Variants in ESRRG observed in about 807,000 individuals in gnomAD.
ESRRG encodes the protein estrogen-related receptor gamma.
A neutral mutation model predicts 44.0 loss-of-function variants in ESRRG; 13 were observed. That is an observed-to-expected ratio of 0.30 (90% CI 0.19 to 0.47). The LOEUF (loss-of-function observed/expected upper bound fraction) is 0.47. ESRRG is among the 20% of genes least tolerant of loss of function. The probability of loss-of-function intolerance (pLI) is 1.00; values close to 1 mark genes in which losing one functional copy is unlikely to be tolerated. For synonymous variants in ESRRG, 215 were observed against 214.6 expected (o/e 1.00, Z -0.02); for missense variants, 395 against 580.6 (o/e 0.68, Z 3.29).
At chr1:217,087,010 C>A (rs956771784) in intron 1 of ESRRG, among the ~76,000 whole-genome samples, 1 of 152,096 alleles carries the variant, frequency 6.6e-6, no homozygotes, top group Non-Finnish European at 1.5e-5. Context: ...CAATGACACA[C>A]TCATCCAAGG....
At chr1:217,105,175 G>A (rs191555204) in intron 1 of ESRRG, among the ~76,000 whole-genome samples, 1 of 152,084 alleles carries the variant, frequency 6.6e-6, no homozygotes, top group African/African-American at 2.4e-5. Flanking sequence ...CCCTTCCTTT[G>A]GCCTTGTGGT....
intron 1 of ESRRG, among the ~76,000 whole-genome samples, chr1:217,062,973 G>C (rs10495039): frequency 1.9e-4 from 29 of 152,094 alleles, no homozygotes; most frequent in Non-Finnish European, 3.7e-4. Flanking sequence ...AGGAACTCTA[G>C]TATGTACCTA....
intron 2 of ESRRG, among the ~76,000 whole-genome samples, chr1:216,851,360 C>T (rs1371149385): frequency 6.6e-6 from 1 of 152,038 alleles, no homozygotes. Context: ...GAGAGAACTA[C>T]TTGTTATGGA....
chr1:217,065,862 G>A (rs2089560954), intron 1 of ESRRG, among the ~76,000 whole-genome samples: 1 of 152,144 alleles, frequency 6.6e-6, no homozygotes, highest in South Asian at 2.1e-4. Flanking sequence ...TAGAATAAAA[G>A]CTTGAGCGAC....
At chr1:216,737,639 A>G (rs2152195774) in intron 2 of ESRRG, among the ~76,000 whole-genome samples, 1 of 152,300 alleles carries the variant, frequency 6.6e-6, no homozygotes, top group East Asian at 1.9e-4. Context: ...AAGGAAGTGT[A>G]TGTAAAAGCA....
In ESRRG at chr1:216,513,705, A is replaced by T. The variant is rs527261884; in HGVS notation, c.1132+5447T>A. 3.9e-5 allele frequency among the ~76,000 whole-genome samples: 6 copies of T among 152,286 alleles called. No individual in the cohort carries two copies. The South Asian group carries it at 1.0e-3, about 26-fold the overall frequency. On this transcript the variant is annotated intron_variant, in intron 6 of 6. Coordinates refer to ENST00000408911, the MANE Select transcript of ESRRG (RefSeq NM_001438.4). Reference sequence around the variant, plus strand: ...ATTAATATTGTTATGTTTACCTTGCATAATGGGATTTACCTGCTAGGTCTT... The same window carrying T: ...ATTAATATTGTTATGTTTACCTTGCTTAATGGGATTTACCTGCTAGGTCTT...
intron 3 of ESRRG, among the ~76,000 whole-genome samples, chr1:216,619,073 A>G (rs549231493): frequency 6.6e-6 from 1 of 152,360 alleles, no homozygotes; most frequent in Admixed American, 6.5e-5. Context: ...AGTCACACCA[A>G]CATATGCATT....
At chr1:216,967,284 T>G (rs1470320024) in intron 1 of ESRRG, among the ~76,000 whole-genome samples, 1 of 152,106 alleles carries the variant, frequency 6.6e-6, no homozygotes, top group East Asian at 1.9e-4. Context: ...GGTTACTTCT[T>G]GGGGTTATAT....
chr1:216,967,759 A>G (rs1199763611), intron 1 of ESRRG, among the ~76,000 whole-genome samples: 3 of 152,220 alleles, frequency 2.0e-5, no homozygotes, highest in African/African-American at 7.2e-5. Context: ...ACCAAGGAAC[A>G]TGATTGTTGA....
At chr1:216,611,096 G>A (rs957563167) in intron 3 of ESRRG, among the ~76,000 whole-genome samples, 32 of 151,530 alleles carry the variant, frequency 2.1e-4, no homozygotes, top group Non-Finnish European at 3.1e-4. Context: ...CCAGCTACTC[G>A]GGAGGCTGAG....
intron 2 of ESRRG, among the ~76,000 whole-genome samples, chr1:216,936,327 T>C (rs759524584): frequency 2.6e-5 from 4 of 152,154 alleles, no homozygotes; most frequent in African/African-American, 7.2e-5. Context: ...CAAGTTAGCA[T>C]GTCAGTATCA....
intron 1 of ESRRG, among the ~76,000 whole-genome samples, chr1:216,685,084 A>C (rs752937879): frequency 7.2e-5 from 11 of 152,152 alleles, no homozygotes; most frequent in Non-Finnish European, 1.3e-4. Flanking sequence ...TCTGCGAACC[A>C]AAAGCCTAAA....
chr1:216,537,647 G>A (rs1480861464), intron 5 of ESRRG, among the ~76,000 whole-genome samples: 1 of 152,030 alleles, frequency 6.6e-6, no homozygotes, highest in African/African-American at 2.4e-5. Flanking sequence ...GTCACTGGGG[G>A]CTTTGAACAA....
At chr1:217,056,039 G>A (rs1172492827) in intron 1 of ESRRG, among the ~76,000 whole-genome samples, 2 of 152,042 alleles carry the variant, frequency 1.3e-5, no homozygotes, top group African/African-American at 4.8e-5. Flanking sequence ...TGGAACTCTG[G>A]CCAATGGAAC....
chr1:216,625,926 C>T (rs752235909), intron 3 of ESRRG, among the ~76,000 whole-genome samples: 17 of 152,064 alleles, frequency 1.1e-4, no homozygotes, highest in Non-Finnish European at 1.9e-4. Context: ...TCTTTGTCTC[C>T]GTATGCCTTT....
At chr1:217,137,505 G>C (rs1260818108) in intron 1 of ESRRG, among the ~76,000 whole-genome samples, 1 of 152,190 alleles carries the variant, frequency 6.6e-6, no homozygotes, top group African/African-American at 2.4e-5. Flanking sequence ...AGAGCTGACG[G>C]ACTGCCCTTT....
At position 216,841,040 on chromosome 1, in the gene ESRRG, A is replaced by G. The variant is rs1019260446; in HGVS notation, c.-14+98542T>C. Among the ~76,000 whole-genome samples, 12 of 152,182 alleles carry G rather than the reference A, an allele frequency of 7.9e-5. No homozygotes were observed. In the East Asian group the frequency reaches 2.3e-3, roughly 29 times the overall value. On this transcript the variant is annotated intron_variant, in intron 2 of 7. Coordinates refer to the ESRRG transcript ENST00000359162. ...GTTTGCTGGACAAAGGGCTGCCACA[A>G]ACTTTCAATTTGTAGAAACATGCAA...
intron 1 of ESRRG, among the ~76,000 whole-genome samples, chr1:217,083,095 T>A (rs830328): frequency 0.32 from 49,326 of 152,138 alleles, 9,249 homozygotes; most frequent in South Asian, 0.49. Context: ...AGAACTGTTC[T>A]TTACATTTTG....
At chr1:216,565,285 T>C (rs2059488888) in intron 4 of ESRRG, among the ~76,000 whole-genome samples, 1 of 152,198 alleles carries the variant, frequency 6.6e-6, no homozygotes, top group South Asian at 2.1e-4. Flanking sequence ...TGATTTTTCT[T>C]GTTGGCCCTA....
Sources: allele counts gnomAD v4.1 joint callset (sites outside exome capture counted in the v4.1 genomes callset), GRCh38; gene constraint gnomAD v4.1.1; transcripts MANE v1.5; gene names NCBI Gene and HGNC (gene_info 2026-07-23, HGNC 2026-07-21).